Variants in TEX11 observed in about 807,000 individuals in gnomAD.
TEX11 encodes the protein testis expressed 11.
A neutral mutation model predicts 84.4 loss-of-function variants in TEX11; 7 were observed. That is an observed-to-expected ratio of 0.08 (90% confidence interval 0.05 to 0.16). TEX11 has a LOEUF of 0.16. Among genes scored for constraint, TEX11 ranks in the 10% least tolerant of loss-of-function variants. The probability of loss-of-function intolerance (pLI) is 1.00; values close to 1 mark genes in which losing one functional copy is unlikely to be tolerated. For missense variants in TEX11, 551 were observed against 660.5 expected (o/e 0.83, Z 1.82); for synonymous variants, 264 against 222.8 (o/e 1.18, Z -1.64).
At chrX:70,615,559 A>G (rs2089308722) in intron 20 of TEX11, among the ~76,000 whole-genome samples, 2 of 112,004 alleles carry the variant, frequency 1.8e-5, no homozygotes, top group Admixed American at 1.9e-4. Flanking sequence ...AAAAGAGCAA[A>G]TGTAAGAGTT....
Position 70,609,798 on chromosome X carries a change from G to A in TEX11, c.1793-621C>T, listed in dbSNP as rs1315951185. 3.6e-5 allele frequency among the ~76,000 whole-genome samples: 4 copies of A among 111,292 alleles called. No homozygotes were observed. The East Asian group carries it at 1.1e-3, about 32-fold the overall frequency. The stretch of plus-strand genomic sequence containing the variant: ...ACTTTTTGGTGTGTTTTGGACATAA[G>A]GAAAGAGGTACATGGACAGTAAAAA... On this transcript the variant is annotated intron_variant, in intron 21 of 29. Coordinates refer to ENST00000374333, the MANE Select transcript of TEX11 (RefSeq NM_031276.3).
At chrX:70,780,192 T>G (rs1464429341) in intron 9 of TEX11, among the ~76,000 whole-genome samples, 1 of 111,555 alleles carries the variant, frequency 9.0e-6, no homozygotes, top group Non-Finnish European at 1.9e-5. Context: ...GAGAATCGCT[T>G]GAACCTGGGA....
chrX:70,724,944 A>G (rs907574053), intron 12 of TEX11, among the ~76,000 whole-genome samples: 10 of 111,084 alleles, frequency 9.0e-5, no homozygotes, highest in South Asian at 3.9e-4. Context: ...TCCCATTAAT[A>G]GGTAATCTTT....
intron 17 of TEX11, among the ~76,000 whole-genome samples, chrX:70,640,110 T>C (rs2089633605): frequency 9.2e-6 from 1 of 108,786 alleles, no homozygotes; most frequent in African/African-American, 3.3e-5. Flanking sequence ...GCTCGAGAAC[T>C]ACCTGAAGAA....
chrX:70,616,108 T>C (rs943905898), intron 20 of TEX11, among the ~76,000 whole-genome samples: 2 of 111,096 alleles, frequency 1.8e-5, no homozygotes, highest in South Asian at 7.7e-4. Context: ...TCACTAGTAA[T>C]ATATAAATAC....
chrX:70,766,713 C>T (rs941281620), intron 9 of TEX11, among the ~76,000 whole-genome samples: 6 of 111,349 alleles, frequency 5.4e-5, no homozygotes, highest in African/African-American at 2.0e-4. Flanking sequence ...AATCACACTA[C>T]CTGACTACCA....
chrX:70,690,505 C>T (rs1275460396), intron 13 of TEX11, among the ~76,000 whole-genome samples: 2 of 110,892 alleles, frequency 1.8e-5, no homozygotes, highest in East Asian at 2.8e-4. Flanking sequence ...CGAGCCTGGG[C>T]AACATAGTAA....
chrX:70,904,805 G>A (rs1022505009), intron 2 of TEX11, among the ~76,000 whole-genome samples: 1 of 111,979 alleles, frequency 8.9e-6, no homozygotes, highest in African/African-American at 3.2e-5. Context: ...AATGTAGAAT[G>A]TAAAATAACT....
intron 16 of TEX11, among the ~76,000 whole-genome samples, chrX:70,654,376 C>T (rs1177631054): frequency 9.1e-6 from 1 of 110,331 alleles, no homozygotes; most frequent in Non-Finnish European, 1.9e-5. Context: ...ACATTGATCC[C>T]GAAGAAGGCA....
intron 4 of TEX11, among the ~76,000 whole-genome samples, chrX:70,862,915 CAA>C (rs201281457): frequency 2.7e-4 from 18 of 67,809 alleles, no homozygotes; most frequent in East Asian, 1.2e-3. Context: ...AACTCCAACT[CAA>C]AAAAAAAAAA....
At chrX:70,683,399 G>A (rs2147659571) in intron 13 of TEX11, among the ~76,000 whole-genome samples, 1 of 111,986 alleles carries the variant, frequency 8.9e-6, no homozygotes, top group African/African-American at 3.2e-5. Flanking sequence ...GAGAGGCTGA[G>A]GTGGGCAGAC....
intron 5 of TEX11, among the ~76,000 whole-genome samples, chrX:70,855,803 G>A (rs964217829): frequency 9.0e-6 from 1 of 111,149 alleles, no homozygotes; most frequent in African/African-American, 3.3e-5. Context: ...AGCACACACA[G>A]AGGAAAGGCC....
At chrX:70,577,741 T>C in intron 25 of TEX11, among the ~76,000 whole-genome samples, 1 of 109,179 alleles carries the variant, frequency 9.2e-6, no homozygotes. Context: ...ATATCTTTTT[T>C]TTTTTTTGAG....
chrX:70,826,956 C>A (rs962015180), intron 8 of TEX11, among the ~76,000 whole-genome samples: 2 of 111,023 alleles, frequency 1.8e-5, no homozygotes, highest in Non-Finnish European at 3.8e-5. Context: ...GGGCTTGCAC[C>A]ATCCCTTCCC....
At chrX:70,679,308 G>T (rs1470905185) in intron 14 of TEX11, among the ~76,000 whole-genome samples, 1 of 110,761 alleles carries the variant, frequency 9.0e-6, no homozygotes, top group Non-Finnish European at 1.9e-5. Context: ...CCTCCCAGCC[G>T]CCTGCCTTGG....
chrX:70,745,959 C>T (rs1387503823), intron 9 of TEX11, among the ~76,000 whole-genome samples: 2 of 111,240 alleles, frequency 1.8e-5, no homozygotes, highest in East Asian at 2.8e-4. Flanking sequence ...AGACACTCTC[C>T]CCAGCGAAAC....
At chrX:70,829,764 C>CA (rs774202275) in intron 8 of TEX11, among the ~76,000 whole-genome samples, 7 of 109,014 alleles carry the variant, frequency 6.4e-5, no homozygotes, top group Non-Finnish European at 1.1e-4. Flanking sequence ...TTAATACAAT[C>CA]AGTGTTACAC....
chrX:70,857,287 C>T (rs2091542014), intron 5 of TEX11: 1 of 128,114 alleles, frequency 7.8e-6, no homozygotes, highest in East Asian at 2.6e-4. Context: ...TATAGTGCCT[C>T]AATCGCTCTT....
chrX:70,588,698 T>C (rs944677778), intron 25 of TEX11, among the ~76,000 whole-genome samples: 1 of 111,933 alleles, frequency 8.9e-6, no homozygotes, highest in South Asian at 3.7e-4. Context: ...TGCTATGACA[T>C]GGACGAATCT....
Sources: allele counts gnomAD v4.1 joint callset (sites outside exome capture counted in the v4.1 genomes callset), GRCh38; gene constraint gnomAD v4.1.1; transcripts MANE v1.5; gene names NCBI Gene and HGNC (gene_info 2026-07-23, HGNC 2026-07-21).